Variants in RIMS2 observed in about 807,000 individuals in gnomAD.
RIMS2 encodes regulating synaptic membrane exocytosis protein 2.
In RIMS2, 59 loss-of-function variants were observed where a neutral mutation model predicts 174.4. The ratio of observed to expected loss-of-function variants is 0.34; its 90% CI spans 0.27 to 0.42. RIMS2 has a LOEUF of 0.42. Among genes scored for constraint, RIMS2 ranks in the 10% least tolerant of loss-of-function variants. The probability of loss-of-function intolerance (pLI) is 1.00; values close to 1 mark genes in which losing one functional copy is unlikely to be tolerated. For synonymous variants in RIMS2, 606 were observed against 572.5 expected, an observed-to-expected ratio of 1.06 and a Z score of -0.84; for missense variants, 1,620 against 1,666.3, an observed-to-expected ratio of 0.97 and a Z score of 0.48.
chr8:103,649,648 C>CTTTTTTTTT (rs71575979), intron 1 of RIMS2, among the ~76,000 whole-genome samples: 1 of 143,408 alleles, frequency 7.0e-6, no homozygotes, highest in Non-Finnish European at 1.5e-5. Context: ...CCTTTTCATT[C>CTTTTTTTTT]TTTTTTTTTT....
At chr8:103,718,044 G>A (rs2097395936) in intron 2 of RIMS2, among the ~76,000 whole-genome samples, 1 of 152,108 alleles carries the variant, frequency 6.6e-6, no homozygotes, top group Non-Finnish European at 1.5e-5. Context: ...CAATATACAA[G>A]CTCTTGAACT....
downstream of RIMS2, chr8:104,254,510 T>A (rs1326156051): frequency 6.6e-6 from 1 of 152,192 alleles, no homozygotes; most frequent in Non-Finnish European, 1.5e-5. Flanking sequence ...CATGTGTCAT[T>A]TAAAGAATGA....
rs182283079 is a variant in RIMS2, at chr8:103,926,285, G to A, written c.2197-1557G>A. Among the ~76,000 whole-genome samples the A allele has an allele frequency of 1.2e-3, 185 of 151,622 alleles. 7 individuals carry two copies. In the East Asian group the frequency reaches 0.033, roughly 27 times the overall value. On this transcript the variant is annotated intron_variant, in intron 10 of 23. Transcript: ENST00000504942. Reference sequence around the variant, plus strand: ...TCTTCAACATGCCAAATTTCTCTATGAATTTCATATATCCCCTCTGTCATT... The same window carrying A: ...TCTTCAACATGCCAAATTTCTCTATAAATTTCATATATCCCCTCTGTCATT...
chr8:104,190,067 G>C (rs1011285981), intron 19 of RIMS2, among the ~76,000 whole-genome samples: 1 of 152,032 alleles, frequency 6.6e-6, no homozygotes, highest in African/African-American at 2.4e-5. Context: ...ACTTTGGGAG[G>C]CTGAGGGGGA....
At chr8:104,136,199 T>G (rs1042418128) in intron 19 of RIMS2, among the ~76,000 whole-genome samples, 4 of 152,190 alleles carry the variant, frequency 2.6e-5, no homozygotes, top group African/African-American at 9.7e-5. Flanking sequence ...ACCCATTTAT[T>G]GTCTATCTTA....
At chr8:104,057,814 C>T (rs1375403646) in intron 19 of RIMS2, among the ~76,000 whole-genome samples, 6 of 146,268 alleles carry the variant, frequency 4.1e-5, no homozygotes, top group South Asian at 2.2e-4. Flanking sequence ...TGAGAACATA[C>T]GGTGTTTGGT....
chr8:103,937,013 G>A (rs921556680), intron 13 of RIMS2, among the ~76,000 whole-genome samples: 2 of 151,996 alleles, frequency 1.3e-5, no homozygotes, highest in Non-Finnish European at 2.9e-5. Context: ...CAGGAGAATG[G>A]CGTGAGCCCG....
chr8:104,121,050 T>C (rs561383342), intron 19 of RIMS2, among the ~76,000 whole-genome samples: 1 of 152,260 alleles, frequency 6.6e-6, no homozygotes, highest in African/African-American at 2.4e-5. Flanking sequence ...ACCATTTTTC[T>C]AGCTGCTACA....
At chr8:104,045,819 A>G (rs1218375909) in intron 19 of RIMS2, among the ~76,000 whole-genome samples, 1 of 151,952 alleles carries the variant, frequency 6.6e-6, no homozygotes, top group Non-Finnish European at 1.5e-5. Flanking sequence ...TCTTCCAGAT[A>G]CTAATGTTAA....
intron 1 of RIMS2, among the ~76,000 whole-genome samples, chr8:103,578,846 G>T (rs911506334): frequency 8.6e-5 from 13 of 151,558 alleles, no homozygotes; most frequent in African/African-American, 3.2e-4. Flanking sequence ...AAAAAAATTA[G>T]CCGGGCATGG....
intron 19 of RIMS2, among the ~76,000 whole-genome samples, chr8:104,233,736 C>G (rs76825723): frequency 3.4e-4 from 51 of 152,110 alleles, no homozygotes; most frequent in African/African-American, 1.2e-3. Context: ...TTTTCTATAC[C>G]AGTAGTGCAG....
intron 1 of RIMS2, among the ~76,000 whole-genome samples, chr8:103,630,580 C>CAA (rs61194218): frequency 8.6e-4 from 75 of 86,762 alleles, no homozygotes; most frequent in Middle Eastern, 6.9e-3. Context: ...AACTCCATCT[C>CAA]AAAAAAAAAA....
chr8:103,775,441 C>A (rs1002518270), intron 3 of RIMS2, among the ~76,000 whole-genome samples: 2 of 152,036 alleles, frequency 1.3e-5, no homozygotes, highest in Non-Finnish European at 2.9e-5. Context: ...ATCTCATAAC[C>A]TTTATTCCTA....
intron 3 of RIMS2, among the ~76,000 whole-genome samples, chr8:103,806,418 C>T (rs775270553): frequency 5.3e-5 from 8 of 150,234 alleles, no homozygotes; most frequent in South Asian, 2.1e-4. Context: ...ACAGTAGTAC[C>T]GTGGAAGGAG....
At position 104,191,883 on chromosome 8, in the gene RIMS2, G is replaced by A. The variant is rs1057242855; in HGVS notation, c.3335-53033G>A. 2.0e-5 allele frequency among the ~76,000 whole-genome samples: 3 copies of A among 152,198 alleles called. No homozygotes were observed. The East Asian group carries it at 5.8e-4, about 29-fold the overall frequency. On this transcript the variant is annotated intron_variant, in intron 19 of 23. Coordinates refer to ENST00000504942, the Ensembl canonical transcript of RIMS2. Reference sequence around the variant, plus strand: ...GCCTCCCAAAGTGCTAGGATTACAGGCAGAAGCCTCCGTGCCCAGTCACAA... The same window carrying A: ...GCCTCCCAAAGTGCTAGGATTACAGACAGAAGCCTCCGTGCCCAGTCACAA...
At chr8:103,704,866 T>C (rs928374035) in intron 2 of RIMS2, among the ~76,000 whole-genome samples, 1 of 151,938 alleles carries the variant, frequency 6.6e-6, no homozygotes. Flanking sequence ...CTTAGTTTCC[T>C]AGTGAGAGGT....
intron 4 of RIMS2, among the ~76,000 whole-genome samples, chr8:103,907,285 TCTA>T (rs1280861950): frequency 1.3e-5 from 2 of 152,238 alleles, no homozygotes; most frequent in Non-Finnish European, 2.9e-5. Flanking sequence ...CACAACTTTT[TCTA>T]CTTTTTTACT....
intron 1 of RIMS2, among the ~76,000 whole-genome samples, chr8:103,558,290 C>T (rs570852516): frequency 3.2e-3 from 481 of 152,216 alleles, no homozygotes; most frequent in Middle Eastern, 6.8e-3. Context: ...GCGTGACTCT[C>T]GGCTCACTGC....
chr8:104,074,283 T>A (rs1049044471), intron 19 of RIMS2, among the ~76,000 whole-genome samples: 2 of 152,190 alleles, frequency 1.3e-5, no homozygotes, highest in Admixed American at 1.3e-4. Context: ...AAGTGGACTC[T>A]GCCTGGGTGG....
Sources: allele counts gnomAD v4.1 joint callset (sites outside exome capture counted in the v4.1 genomes callset), GRCh38; gene constraint gnomAD v4.1.1; transcripts MANE v1.5; gene names NCBI Gene and HGNC (gene_info 2026-07-23, HGNC 2026-07-21).